The following CEP112 variants were observed in gnomAD, a reference collection of about 807,000 sequenced individuals.
The protein encoded by CEP112 is centrosomal protein of 112 kDa.
In CEP112, 127 loss-of-function variants were observed where a neutral mutation model predicts 153.0. The ratio of observed to expected loss-of-function variants is 0.83; its 90% CI spans 0.72 to 0.96. CEP112 has a LOEUF of 0.96. Among genes scored for constraint, CEP112 ranks in the 40% least tolerant of loss-of-function variants. The pLI, the probability that CEP112 is intolerant of heterozygous loss-of-function variation, is 0.00. For synonymous variants in CEP112, 358 were observed against 374.4 expected, an observed-to-expected ratio of 0.96 and a Z score of 0.51; for missense variants, 1,089 against 1,101.2, an observed-to-expected ratio of 0.99 and a Z score of 0.16.
chr17:65,880,642 C>T (rs2059026606), intron 20 of CEP112, among the ~76,000 whole-genome samples: 1 of 152,106 alleles, frequency 6.6e-6, no homozygotes, highest in Non-Finnish European at 1.5e-5. Context: ...CTGCTAAGTT[C>T]CTTGATTTAG....
intron 12 of CEP112, among the ~76,000 whole-genome samples, chr17:66,035,006 A>ATT (rs1308701767): frequency 3.5e-4 from 29 of 83,660 alleles, no homozygotes; most frequent in East Asian, 1.7e-3. Flanking sequence ...ATATATATAT[A>ATT]TATTTTTTTT....
rs1299955242 is a variant in CEP112, at chr17:66,058,470, A to G, written c.1074+4493T>C. Among the ~76,000 whole-genome samples the G allele has an allele frequency of 4.1e-5, 6 of 145,634 alleles. No individual in the cohort carries two copies. In the East Asian group the frequency reaches 1.4e-3, roughly 33 times the overall value. On this transcript the variant is annotated intron_variant, in intron 11 of 26. Coordinates refer to ENST00000535342, the MANE Select transcript of CEP112 (RefSeq NM_001199165.4). ...TTCAACACTATCCTATCAAATTACC[A>G]ATGTCATTTTTTACAGAATTAGAAA...
In CEP112 at chr17:66,188,065, T is replaced by C. The variant is rs559536360; in HGVS notation, c.-9+3932A>G. ...AGGCCTGCCTACCACTTATTTGAAC[T>C]ACTGCGGCAGCCTCATCATCTGTCT... On this transcript the variant is annotated intron_variant, in intron 1 of 26. Coordinates refer to ENST00000535342, the MANE Select transcript of CEP112 (RefSeq NM_001199165.4). Among the ~76,000 whole-genome samples the C allele has an allele frequency of 5.9e-5, 9 of 152,206 alleles. No homozygotes were observed. The East Asian group carries it at 1.7e-3, about 29-fold the overall frequency.
At chr17:66,176,761 A>G in intron 3 of CEP112, 69 bp downstream of exon 3, 1 of 1,223,050 alleles carries the variant, frequency 8.2e-7, no homozygotes, top group Non-Finnish European at 1.1e-6. Context: ...ACCATTCCCC[A>G]AAGGGATGAT....
chr17:65,732,287 G>T (rs1054732353), intron 23 of CEP112, among the ~76,000 whole-genome samples: 1 of 152,144 alleles, frequency 6.6e-6, no homozygotes, highest in Admixed American at 6.6e-5. Flanking sequence ...TTTTTTAAAG[G>T]AATCTTTTTT....
At chr17:66,069,781 T>C in intron 9 of CEP112, 134 bp downstream of exon 9, 1 of 545,926 alleles carries the variant, frequency 1.8e-6, no homozygotes, top group Admixed American at 3.8e-5. Flanking sequence ...ATTCCACTTA[T>C]AACAGAATGT....
chr17:65,799,218 T>C (rs2055114531), intron 21 of CEP112, among the ~76,000 whole-genome samples: 1 of 152,208 alleles, frequency 6.6e-6, no homozygotes, highest in South Asian at 2.1e-4. Context: ...TCCCCTCCAA[T>C]TCTGAAACAA....
At chr17:65,754,648 C>A (rs7342941) in intron 21 of CEP112, among the ~76,000 whole-genome samples, 81,897 of 151,754 alleles carry the variant, frequency 0.54, 22,785 homozygotes, top group East Asian at 0.79. Flanking sequence ...AAATAAAATA[C>A]AATACAGTGT....
At chr17:65,927,757 G>T (rs1185869058) in intron 18 of CEP112, 68 bp from the exon 19 acceptor site, 1 of 977,922 alleles carries the variant, frequency 1.0e-6, no homozygotes, top group Non-Finnish European at 1.4e-6. Context: ...TTTGTAATTT[G>T]TCCATTTGTT....
intron 23 of CEP112, among the ~76,000 whole-genome samples, chr17:65,708,728 C>T (rs570129091): frequency 5.9e-5 from 9 of 152,214 alleles, no homozygotes; most frequent in African/African-American, 1.9e-4. Flanking sequence ...CGTTCTCAAC[C>T]GAAATTTAAA....
intron 5 of CEP112, among the ~76,000 whole-genome samples, chr17:66,132,168 C>CAAAAAAAAAAAAAAAAAAAAAAAAAAAA (rs56221578): frequency 2.5e-5 from 1 of 39,872 alleles, no homozygotes; most frequent in African/African-American, 1.4e-4. Flanking sequence ...GACTCCATCT[C>CAAAAAAAAAAAAAAAAAAAAAAAAAAAA]AAAAAAAAAA....
intron 20 of CEP112, among the ~76,000 whole-genome samples, chr17:65,887,923 A>G (rs2059338739): frequency 6.6e-6 from 1 of 152,110 alleles, no homozygotes; most frequent in African/African-American, 2.4e-5. Context: ...CACTGGGGAC[A>G]ATTTCAAAGC....
rs1327804822 is a variant in CEP112, at chr17:65,975,837, CAT to C, written c.1737-14241_1737-14240del. Among the ~76,000 whole-genome samples, 14 of 152,204 alleles carry C rather than the reference CAT, an allele frequency of 9.2e-5. No homozygotes were observed. In the East Asian group the frequency reaches 2.5e-3, roughly 27 times the overall value. On this transcript the variant is annotated intron_variant, in intron 17 of 26. Transcript: ENST00000535342. ...TTGAAATGACATGGCAAAAGCATAA[CAT>C]GTGGAAAAGAAAGGTGATTATCTCC...
chr17:66,047,974 C>A (rs1162480279), intron 12 of CEP112, among the ~76,000 whole-genome samples: 3 of 152,128 alleles, frequency 2.0e-5, no homozygotes, highest in Non-Finnish European at 4.4e-5. Flanking sequence ...ACCCTATACA[C>A]CCCCTGCTGT....
At chr17:65,709,534 A>C (rs1156752749) in intron 23 of CEP112, among the ~76,000 whole-genome samples, 2 of 152,124 alleles carry the variant, frequency 1.3e-5, no homozygotes, top group Non-Finnish European at 2.9e-5. Flanking sequence ...CGTATGGGGG[A>C]ACTGCCCCCA....
Position 65,830,519 on chromosome 17 carries a change from C to A in CEP112, c.2394+21285G>T, listed in dbSNP as rs28731406. Among the ~76,000 whole-genome samples the A allele has an allele frequency of 2.3e-3, 356 of 152,312 alleles. 1 individual carries two copies. Among genetic ancestry groups the A allele is most frequent in the African/African-American group, 8.3e-3 (343 of 41,568 alleles). On this transcript the variant is annotated intron_variant, in intron 21 of 26. Coordinates refer to ENST00000535342, the MANE Select transcript of CEP112 (RefSeq NM_001199165.4). ...GAATACTGAACCAAACTGGGGTGAA[C>A]TGGGGACAAACAGCCGGCACTGATT...
chr17:66,186,259 G>A (rs1031345870), intron 1 of CEP112, among the ~76,000 whole-genome samples: 6 of 151,974 alleles, frequency 3.9e-5, no homozygotes, highest in African/African-American at 1.2e-4. Context: ...AAAGAAACCC[G>A]TCTGAAACTA....
chr17:65,859,019 T>C (rs943427165), intron 20 of CEP112, among the ~76,000 whole-genome samples: 1 of 152,186 alleles, frequency 6.6e-6, no homozygotes, highest in Non-Finnish European at 1.5e-5. Context: ...TAGGTCTAAT[T>C]CCAGAGATCA....
At chr17:66,035,004 A>T (rs1284411156) in intron 12 of CEP112, among the ~76,000 whole-genome samples, 479 of 103,132 alleles carry the variant, frequency 4.6e-3, no homozygotes, top group South Asian at 0.015. Flanking sequence ...ATATATATAT[A>T]TATATTTTTT....
Sources: gnomAD v4.1 joint callset for allele counts (sites outside exome capture counted in the v4.1 genomes callset) on GRCh38, gnomAD v4.1.1 for gene constraint, MANE v1.5 for transcripts, NCBI Gene and HGNC (gene_info 2026-07-23, HGNC 2026-07-21) for gene names.